Variants in ABI2 observed in about 807,000 individuals in gnomAD.
ABI2 encodes the protein abl interactor 2.
A neutral mutation model predicts 59.2 loss-of-function variants in ABI2; 25 were observed. The ratio of observed to expected loss-of-function variants is 0.42; its 90% confidence interval spans 0.31 to 0.59. The LOEUF (loss-of-function observed/expected upper bound fraction) is 0.59. ABI2 is among the 20% of genes least tolerant of loss of function. The pLI is 0.14. For missense variants in ABI2, 545 were observed against 681.8 expected (o/e 0.80, Z 2.23); for synonymous variants, 213 against 235.5 (o/e 0.90, Z 0.87).
At chr2:203,376,391 G>A (rs949481077) in intron 2 of ABI2, among the ~76,000 whole-genome samples, 1 of 152,174 alleles carries the variant, frequency 6.6e-6, no homozygotes, top group Non-Finnish European at 1.5e-5. Flanking sequence ...CCTGCCCCTA[G>A]TGTTTCTAAG....
intron 2 of ABI2, chr2:203,375,791 C>T (rs1456665857): frequency 3.7e-6 from 1 of 268,530 alleles, no homozygotes; most frequent in African/African-American, 2.2e-5. Context: ...CAGATGATTG[C>T]TGAAAACCTT....
At chr2:203,380,994 G>A (rs191616875) in intron 3 of ABI2, among the ~76,000 whole-genome samples, 2 of 152,226 alleles carry the variant, frequency 1.3e-5, no homozygotes, top group East Asian at 3.9e-4. Flanking sequence ...ATGATTCAGA[G>A]CTTTAGCTGA....
chr2:203,419,833 A>G (rs1257249274), intron 11 of ABI2, among the ~76,000 whole-genome samples: 1 of 152,062 alleles, frequency 6.6e-6, no homozygotes, highest in African/African-American at 2.4e-5. Context: ...TACTAAAAGT[A>G]CAAAATTAGC....
At chr2:203,400,515 C>T (rs2097177660) in intron 8 of ABI2, among the ~76,000 whole-genome samples, 1 of 152,164 alleles carries the variant, frequency 6.6e-6, no homozygotes, top group South Asian at 2.1e-4. Context: ...TAATTGTATT[C>T]AGTGGTTCAA....
At chr2:203,363,575 A>G (rs1383579921) in intron 1 of ABI2, among the ~76,000 whole-genome samples, 2 of 150,384 alleles carry the variant, frequency 1.3e-5, no homozygotes, top group African/African-American at 2.5e-5. Context: ...TCTACTCTCT[A>G]TTTCTGTGAG....
At position 203,391,060 on chromosome 2, in the gene ABI2, C is replaced by T; in HGVS notation, c.495C>T (p.Asn165=). The T allele has an allele frequency of 6.2e-7, 1 of 1,613,756 alleles. No homozygotes were observed. Among genetic ancestry groups the T allele is most frequent in the Non-Finnish European group, 8.5e-7 (1 of 1,179,880 alleles). Residue 165 remains asparagine, a synonymous_variant, in exon 5 of 12, where the codon AAC becomes AAT. Transcript: ENST00000261018. The part of the protein sequence containing the change: ...WLLRFKVSTQ[N]MKMGGLPRTT... ...AAATTTTTTAGGTGAGTACCCAGAA[C>T]ATGAAGATGGGTGGGCTGCCGCGTA...
chr2:203,383,883 C>A lies in ABI2; in HGVS notation c.480+1677C>A, dbSNP rs16839737. ...CTACTTCTCTTTTTCTCTTTCTCAG[C>A]ACTTTTTGAGCTCTGTCTTTGCTGC... On this transcript the variant is annotated intron_variant, in intron 4 of 11. Coordinates refer to ENST00000261018, the MANE Select transcript of ABI2 (RefSeq NM_001375670.1). Among the ~76,000 whole-genome samples the A allele has an allele frequency of 5.6e-3, 851 of 151,984 alleles. 10 individuals are homozygous for A. Among genetic ancestry groups the A allele is most frequent in the African/African-American group, 0.019 (790 of 41,494 alleles).
intron 1 of ABI2, among the ~76,000 whole-genome samples, chr2:203,365,202 T>C (rs558566751): frequency 2.2e-4 from 33 of 152,212 alleles, no homozygotes; most frequent in Non-Finnish European, 4.4e-4. Flanking sequence ...TTTTTTGTGC[T>C]TGTATTTACA....
chr2:203,390,173 C>G (rs1023693775), intron 4 of ABI2, among the ~76,000 whole-genome samples: 1 of 152,090 alleles, frequency 6.6e-6, no homozygotes, highest in Non-Finnish European at 1.5e-5. Context: ...TAAGAAGATA[C>G]TAACTAAATC....
In ABI2 at chr2:203,336,600, T is replaced by A. The variant is rs571342094; in HGVS notation, c.117+7969T>A. Among the ~76,000 whole-genome samples the A allele has an allele frequency of 3.0e-3, 457 of 152,330 alleles. 3 individuals carry two copies. Among genetic ancestry groups the A allele is most frequent in the African/African-American group, 0.01 (425 of 41,576 alleles). On this transcript the variant is annotated intron_variant, in intron 1 of 11. Transcript: ENST00000261018. Reference sequence around the variant, plus strand: ...GTAGTAGCTGCAGGCTGTAAGACTTTAGTTGCAGCATGGCATTGGCTCCTC... The same window carrying A: ...GTAGTAGCTGCAGGCTGTAAGACTTAAGTTGCAGCATGGCATTGGCTCCTC...
At chr2:203,335,685 A>AT (rs1261579917) in intron 1 of ABI2, among the ~76,000 whole-genome samples, 2 of 152,190 alleles carry the variant, frequency 1.3e-5, no homozygotes, top group African/African-American at 4.8e-5. Context: ...TATTTGCATA[A>AT]TTCATGCAAG....
intron 5 of ABI2, among the ~76,000 whole-genome samples, chr2:203,392,299 CCACCACCACCACCACCAACAACAACAA>C (rs2096778345): frequency 1.1e-5 from 1 of 94,720 alleles, no homozygotes; most frequent in Non-Finnish European, 2.3e-5. Flanking sequence ...ACCACCACCA[CCACCACCACCACCACCAACAACAACAA>C]CAACAACAAC....
chr2:203,404,367 T>C (rs770449460), intron 9 of ABI2, among the ~76,000 whole-genome samples: 9 of 152,254 alleles, frequency 5.9e-5, no homozygotes, highest in South Asian at 2.1e-4. Context: ...ACTGCCTTAA[T>C]TGATATATAC....
chr2:203,389,377 C>T, intron 4 of ABI2, among the ~76,000 whole-genome samples: 1 of 152,164 alleles, frequency 6.6e-6, no homozygotes, highest in South Asian at 2.1e-4. Context: ...TCACACACAA[C>T]TTGTTCACTG....
intron 11 of ABI2, among the ~76,000 whole-genome samples, chr2:203,421,434 G>GA (rs2098200266): frequency 6.6e-6 from 1 of 152,170 alleles, no homozygotes; most frequent in Non-Finnish European, 1.5e-5. Context: ...GAAAGCAAAG[G>GA]AATAAGAGCC....
intron 11 of ABI2, among the ~76,000 whole-genome samples, chr2:203,420,344 T>C (rs183760001): frequency 3.2e-4 from 48 of 152,282 alleles, no homozygotes; most frequent in African/African-American, 1.1e-3. Flanking sequence ...GTATAAATGA[T>C]ATATAGGAAT....
chr2:203,339,822 C>T (rs770650282), intron 1 of ABI2, among the ~76,000 whole-genome samples: 1 of 152,128 alleles, frequency 6.6e-6, no homozygotes, highest in Non-Finnish European at 1.5e-5. Context: ...GCACAGTTCT[C>T]CTTCAGTCTA....
At chr2:203,338,934 G>GTATATATATATATATATATATATATAAA (rs2077852954) in intron 1 of ABI2, among the ~76,000 whole-genome samples, 7 of 5,188 alleles carry the variant, frequency 1.3e-3, no homozygotes, top group African/African-American at 2.7e-3. Context: ...GTGTGTATAT[G>GTATATATATATATATATATATATATAAA]TATATATATA....
chr2:203,409,188 A>G (rs996578766), intron 9 of ABI2, among the ~76,000 whole-genome samples: 2 of 152,146 alleles, frequency 1.3e-5, no homozygotes, highest in Non-Finnish European at 2.9e-5. Flanking sequence ...AAACAGTATT[A>G]TGAACATATC....
Sources: allele counts gnomAD v4.1 joint callset (sites outside exome capture counted in the v4.1 genomes callset), GRCh38; gene constraint gnomAD v4.1.1; transcripts MANE v1.5; gene names NCBI Gene and HGNC (gene_info 2026-07-23, HGNC 2026-07-21).